The following RREB1 variants were observed in gnomAD, a reference collection of about 807,000 sequenced individuals.
RREB1 encodes the protein ras-responsive element-binding protein 1.
Under a neutral mutation model 117.8 loss-of-function variants are expected in RREB1, and 27 were observed. The observed-to-expected ratio is 0.23, with a 90% CI of 0.17 to 0.32. The LOEUF is 0.32. RREB1 is among the 10% of genes least tolerant of loss of function. The pLI, the probability that RREB1 is intolerant of heterozygous loss-of-function variation, is 1.00. For missense variants in RREB1, 2,577 were observed against 2,378.2 expected (o/e 1.08, Z -1.74); for synonymous variants, 1,298 against 1,026.7 (o/e 1.26, Z -5.05).
At chr6:7,137,172 C>G in intron 1 of RREB1, among the ~76,000 whole-genome samples, 1 of 152,188 alleles carries the variant, frequency 6.6e-6, no homozygotes, top group African/African-American at 2.4e-5. Flanking sequence ...CAGTCCTGTC[C>G]CCTGGCTTTC....
intron 11 of RREB1, among the ~76,000 whole-genome samples, chr6:7,242,703 G>GT (rs1054372135): frequency 3.1e-4 from 47 of 151,294 alleles, no homozygotes; most frequent in Admixed American, 1.1e-3. Context: ...AAAAAAAAGG[G>GT]GGGGGGGGAA....
At chr6:7,226,217 G>C (rs1383331364) in intron 8 of RREB1, among the ~76,000 whole-genome samples, 1 of 152,172 alleles carries the variant, frequency 6.6e-6, no homozygotes, top group Non-Finnish European at 1.5e-5. Flanking sequence ...GGGTGTTTAG[G>C]TCGTACGTAC....
In RREB1 at chr6:7,230,280, C is replaced by G. The variant is rs775408920; in HGVS notation, c.2181C>G (p.Arg727=). The G allele has an allele frequency of 1.0e-5, 16 of 1,597,062 alleles. No homozygotes were observed. The highest frequency in any genetic ancestry group is 1.6e-4 in the Middle Eastern group (1 of 6,078). ...GCAAGAAGCACCTCAAGGCCACCCG[C>G]AAGGATATCGAGAAGAACATCGAGT... The part of the protein sequence containing the change: ...HLRKKHLKAT[R]KDIEKNIEYV... Residue 727 remains arginine, a synonymous_variant, in exon 10 of 13, where the codon CGC becomes CGG. Transcript: ENST00000379938.
intron 1 of RREB1, among the ~76,000 whole-genome samples, chr6:7,110,663 A>G (rs1432710459): frequency 6.6e-6 from 1 of 152,224 alleles, no homozygotes; most frequent in Non-Finnish European, 1.5e-5. Context: ...TTTACAAAAG[A>G]AAAGGAGAGA....
intron 3 of RREB1, 40 bp from the exon 4 acceptor site, chr6:7,181,830 A>C (rs992353201): frequency 6.8e-7 from 1 of 1,471,644 alleles, no homozygotes; most frequent in East Asian, 2.3e-5. Flanking sequence ...ACAGAAGCCT[A>C]AACTTCCCCA....
intron 1 of RREB1, among the ~76,000 whole-genome samples, chr6:7,137,265 C>G (rs1001674767): frequency 1.3e-5 from 2 of 152,202 alleles, no homozygotes; most frequent in Non-Finnish European, 2.9e-5. Flanking sequence ...TCCCTTCCCC[C>G]CTGAGCCCCC....
rs4053178 is a variant in RREB1, at chr6:7,249,062, TGA to T, written c.*135_*136del. The T allele has an allele frequency of 0.16, 91,075 of 552,188 alleles. 4,010 individuals are homozygous for T. Among genetic ancestry groups the T allele is most frequent in the Admixed American group, 0.23 (6,241 of 27,402 alleles). The allele number at this position is 552,188 out of a possible 1,614,324, so 34.2% of individuals were successfully genotyped here. On this transcript the variant is annotated 3_prime_UTR_variant, in exon 13 of 13. Transcript: ENST00000379938. The stretch of plus-strand genomic sequence containing the variant: ...TCAGTGCCCTTTGGCTGTTGAGGAG[TGA>T]GAGAGAGAGAGAGAGAGAGAGAGAG...
At chr6:7,123,213 A>T (rs1164772478) in intron 1 of RREB1, among the ~76,000 whole-genome samples, 1 of 151,954 alleles carries the variant, frequency 6.6e-6, no homozygotes, top group Non-Finnish European at 1.5e-5. Flanking sequence ...GCTGGAGTAC[A>T]ATGGTGCAAT....
intron 8 of RREB1, among the ~76,000 whole-genome samples, chr6:7,226,199 C>T (rs1304379455): frequency 6.6e-6 from 1 of 152,284 alleles, no homozygotes; most frequent in South Asian, 2.1e-4. Flanking sequence ...TTCTTGTGCT[C>T]AGACTGTGGG....
intron 1 of RREB1, among the ~76,000 whole-genome samples, chr6:7,120,532 T>C (rs1761631011): frequency 6.6e-6 from 1 of 152,212 alleles, no homozygotes; most frequent in Admixed American, 6.5e-5. Flanking sequence ...GTTATGTTCT[T>C]ACCATTGGGG....
At chr6:7,184,665 G>A (rs942149282) in intron 4 of RREB1, 12 of 152,104 alleles carry the variant, frequency 7.9e-5, no homozygotes, top group African/African-American at 2.7e-4. Flanking sequence ...CAGCCTCAGA[G>A]AAGGCTGGGG....
chr6:7,239,330 A>G (rs1768539420), intron 10 of RREB1, among the ~76,000 whole-genome samples: 1 of 152,210 alleles, frequency 6.6e-6, no homozygotes, highest in Non-Finnish European at 1.5e-5. Context: ...CTTGGGGGAA[A>G]GGGAGGAATT....
chr6:7,165,942 G>A (rs1206448120), intron 1 of RREB1, among the ~76,000 whole-genome samples: 1 of 152,198 alleles, frequency 6.6e-6, no homozygotes, highest in Non-Finnish European at 1.5e-5. Context: ...CCACACTTAA[G>A]AGCCTGGGCA....
rs777196110 is a variant in RREB1, at chr6:7,181,861, A to T, written c.-42-9A>T. On this transcript the variant is annotated splice_polypyrimidine_tract_variant and intron_variant, in intron 3 of 12. Coordinates refer to ENST00000379938, the MANE Select transcript of RREB1 (RefSeq NM_001003699.4). The stretch of plus-strand genomic sequence containing the variant: ...CCCCATGATCACATCAGCAATTTCC[A>T]ATTTTCAGTTTTATAGCAGAGGCTT... 6.2e-7 allele frequency: 1 copy of T among 1,603,400 alleles called. No individual in the cohort carries two copies. The highest frequency in any genetic ancestry group is 8.5e-7 in the Non-Finnish European group (1 of 1,170,498).
rs759915310 is a variant in RREB1, at chr6:7,229,253, C to T, written c.1154C>T (p.Pro385Leu). 84 of 1,614,134 alleles carry T rather than the reference C, an allele frequency of 5.2e-5. 2 individuals carry two copies. The South Asian group carries it at 6.1e-4, about 12-fold the overall frequency. The change falls in exon 10 of 13, where the codon CCG (proline) becomes CTG (leucine). Residue 385 changes from proline to leucine, a missense_variant. Pro to Leu is a moderately conservative substitution (Grantham distance 98). Transcript: ENST00000379938. This position sits in a 1 kb window ranked among gnomAD's most constrained non-coding sequence, Gnocchi z 4.5. ...VRPAPAEEPL[P>L]DDNQAIQLQT... is the part of the protein sequence containing the mutation. ...CCTGCCCCCGCCGAGGAGCCCCTGCCGGATGACAACCAGGCAATTCAGCTC... is the reference window on the plus strand; with the variant it reads ...CCTGCCCCCGCCGAGGAGCCCCTGCTGGATGACAACCAGGCAATTCAGCTC...
chr6:7,205,872 G>GA (rs1225127221), intron 6 of RREB1, among the ~76,000 whole-genome samples: 3 of 152,196 alleles, frequency 2.0e-5, no homozygotes, highest in South Asian at 2.1e-4. Flanking sequence ...CATTTAAGTT[G>GA]AAAATCAGCA....
chr6:7,156,668 T>C (rs1285882), intron 1 of RREB1, among the ~76,000 whole-genome samples: 40,189 of 152,172 alleles, frequency 0.26, 7,048 homozygotes, highest in African/African-American at 0.5. Context: ...TGTTTATTCT[T>C]GAGGAGAGCA....
intron 1 of RREB1, among the ~76,000 whole-genome samples, chr6:7,166,859 G>A (rs1385973545): frequency 6.6e-6 from 1 of 152,198 alleles, no homozygotes; most frequent in African/African-American, 2.4e-5. Context: ...CCCTGAGCAT[G>A]TCAGAAAGGC....
intron 1 of RREB1, among the ~76,000 whole-genome samples, chr6:7,111,143 C>G (rs1295773913): frequency 6.6e-6 from 1 of 152,246 alleles, no homozygotes; most frequent in Non-Finnish European, 1.5e-5. Context: ...AGTCCAGCAT[C>G]TGATCAACAG....
Sources: gnomAD v4.1 joint callset for allele counts (sites outside exome capture counted in the v4.1 genomes callset) on GRCh38, gnomAD v4.1.1 for gene constraint, Gnocchi (gnomAD v3.1) non-coding constraint, MANE v1.5 for transcripts, NCBI Gene and HGNC (gene_info 2026-07-23, HGNC 2026-07-21) for gene names.